The following SMIM35 variants were observed in gnomAD, a reference collection of about 807,000 sequenced individuals.
SMIM35 encodes the protein TMPRSS4 antisense RNA 1 (non-protein coding).
At chr11:118,052,914 C>A (rs1294560451) in intron 1 of SMIM35, among the ~76,000 whole-genome samples, 2 of 152,186 alleles carry the variant, frequency 1.3e-5, no homozygotes, top group Non-Finnish European at 2.9e-5. Context: ...AGCACAAATA[C>A]CCCACAGGGG....
chr11:118,062,829 T>C (rs1342890269), intron 1 of SMIM35, among the ~76,000 whole-genome samples: 1 of 152,174 alleles, frequency 6.6e-6, no homozygotes, highest in Non-Finnish European at 1.5e-5. Context: ...GGCTGAAACC[T>C]ACTGGGCTGC....
At chr11:118,084,058 A>G (rs990598395) in intron 1 of SMIM35, among the ~76,000 whole-genome samples, 11 of 152,112 alleles carry the variant, frequency 7.2e-5, no homozygotes, top group Non-Finnish European at 1.3e-4. Flanking sequence ...CAAAAAAACA[A>G]TTATCGTACT....
chr11:118,049,321 A>T (rs1415311170), intron 1 of SMIM35, among the ~76,000 whole-genome samples: 9 of 144,282 alleles, frequency 6.2e-5, no homozygotes, highest in African/African-American at 2.1e-4. Context: ...CAATTCTCGC[A>T]TGTTTGTTCC....
chr11:118,054,200 T>G (rs2135108703), intron 1 of SMIM35, among the ~76,000 whole-genome samples: 1 of 152,116 alleles, frequency 6.6e-6, no homozygotes, highest in South Asian at 2.1e-4. Context: ...TTTTTGTTTG[T>G]TTGTTTGCTT....
At chr11:118,014,781 G>A (rs1350681059) in intron 2 of SMIM35, 40 bp from the exon 3 acceptor site, 1 of 398,878 alleles carries the variant, frequency 2.5e-6, no homozygotes. Flanking sequence ...AGCACCTCCA[G>A]GGGAAGCAGT....
chr11:118,073,494 CTTTAATGTGG>C (rs1173661553), intron 1 of SMIM35, among the ~76,000 whole-genome samples: 2 of 152,182 alleles, frequency 1.3e-5, no homozygotes, highest in East Asian at 3.8e-4. Context: ...GCAACAGACT[CTTTAATGTGG>C]TTTAAAATAC....
At position 118,005,047 on chromosome 11, in the gene SMIM35, C is replaced by A. The variant is rs2058114552; in HGVS notation, c.*1363G>T. The A allele has an allele frequency of 6.6e-6, 1 of 152,220 alleles. No homozygotes were observed. Among genetic ancestry groups the A allele is most frequent in the Non-Finnish European group, 1.5e-5 (1 of 68,082 alleles). The allele number at this position is 152,220 out of a possible 1,614,324, so 9.4% of individuals were successfully genotyped here. ...ACAGTGACCCTGGAGAGAACAGGAA[C>A]ATTCTTCAGAATCCTACTATCTGGT... On this transcript the variant is annotated 3_prime_UTR_variant, in exon 5 of 5. Transcript: ENST00000689828.
intron 1 of SMIM35, among the ~76,000 whole-genome samples, chr11:118,064,674 C>A (rs928069331): frequency 4.0e-5 from 6 of 151,422 alleles, no homozygotes; most frequent in African/African-American, 1.5e-4. Context: ...GACAGGTTCT[C>A]GCTTTGTTGC....
intron 1 of SMIM35, among the ~76,000 whole-genome samples, chr11:118,027,973 C>T (rs2058288417): frequency 6.6e-6 from 1 of 152,338 alleles, no homozygotes; most frequent in Non-Finnish European, 1.5e-5. Context: ...TTGTGATCTT[C>T]TATTAGTCCT....
intron 1 of SMIM35, among the ~76,000 whole-genome samples, chr11:118,062,890 A>G (rs1160749221): frequency 6.6e-6 from 1 of 152,214 alleles, no homozygotes; most frequent in Non-Finnish European, 1.5e-5. Context: ...TAGGAGGTCA[A>G]CACATGATAC....
intron 1 of SMIM35, among the ~76,000 whole-genome samples, chr11:118,085,068 G>GCTGAGCAGGTGGCGCAC (rs1945439033): frequency 6.6e-6 from 1 of 152,200 alleles, no homozygotes; most frequent in Admixed American, 6.5e-5. Context: ...TGTGCACGGT[G>GCTGAGCAGGTGGCGCAC]CTGAGCAGGT....
rs768673626 is a variant in SMIM35, at chr11:118,004,504, A to C, written c.*1906T>G. On this transcript the variant is annotated 3_prime_UTR_variant, in exon 5 of 5. Transcript: ENST00000689828. ...ACAGAGGTGTGGAGGGAGAGGGGAGATGATGAGTTCTGGCTTAATAATGAC... is the reference window on the plus strand; with the variant it reads ...ACAGAGGTGTGGAGGGAGAGGGGAGCTGATGAGTTCTGGCTTAATAATGAC... 1 of 152,202 alleles carries C rather than the reference A, an allele frequency of 6.6e-6. No homozygotes were observed. The highest frequency in any genetic ancestry group is 1.5e-5 in the Non-Finnish European group (1 of 68,048). The allele number at this position is 152,202 out of a possible 1,614,324, so 9.4% of individuals were successfully genotyped here. A position where few individuals can be genotyped will look rare whatever the true frequency, so the allele number is the denominator to read the frequency against.
chr11:118,019,513 C>T (rs1221532361), intron 1 of SMIM35, among the ~76,000 whole-genome samples: 1 of 152,224 alleles, frequency 6.6e-6, no homozygotes, highest in African/African-American at 2.4e-5. Flanking sequence ...GAGACAAGGA[C>T]TCTCAGAGAT....
chr11:118,066,801 G>A (rs1944480599), intron 1 of SMIM35, among the ~76,000 whole-genome samples: 1 of 149,406 alleles, frequency 6.7e-6, no homozygotes, highest in Non-Finnish European at 1.5e-5. Flanking sequence ...CTCCAGCCTG[G>A]GTGACAGAGT....
In SMIM35 at chr11:118,042,068, A is replaced by AAAGAGAG. The variant is rs1555073518; in HGVS notation, c.8-26260_8-26259insCTCTCTT. ...TCTGTCACAAATGAAAAAAAAAAAAAAGAGAGAGAGAGAAAGAAAGACAAA... is the reference window on the plus strand; with the variant it reads ...TCTGTCACAAATGAAAAAAAAAAAAAAAGAGAGAGAGAGAGAGAGAAAGAAAGACAAA... On this transcript the variant is annotated intron_variant, in intron 1 of 4. Transcript: ENST00000689828. Among the ~76,000 whole-genome samples the AAAGAGAG allele has an allele frequency of 7.4e-3, 876 of 117,874 alleles. 16 individuals are homozygous for AAAGAGAG. The highest frequency in any genetic ancestry group is 0.027 in the African/African-American group (818 of 30,158). 77.3% of individuals were successfully genotyped at this position (117,874 alleles called of 152,430 possible).
chr11:118,048,044 C>T (rs765769117), intron 1 of SMIM35, among the ~76,000 whole-genome samples: 18 of 152,120 alleles, frequency 1.2e-4, no homozygotes, highest in Non-Finnish European at 2.2e-4. Context: ...GGGGTGCATC[C>T]GTTGGTAACA....
At chr11:118,021,206 A>G (rs1157049519) in intron 1 of SMIM35, among the ~76,000 whole-genome samples, 1 of 152,158 alleles carries the variant, frequency 6.6e-6, no homozygotes, top group Non-Finnish European at 1.5e-5. Context: ...TGTAGGAGGT[A>G]AAACATTGGA....
At chr11:118,059,918 T>C (rs1388220485) in intron 1 of SMIM35, among the ~76,000 whole-genome samples, 1 of 152,166 alleles carries the variant, frequency 6.6e-6, no homozygotes, top group African/African-American at 2.4e-5. Flanking sequence ...ACAGGGAAGA[T>C]AAGTACCAAA....
At chr11:118,013,248 A>G (rs1242374863) in intron 4 of SMIM35, among the ~76,000 whole-genome samples, 1 of 152,218 alleles carries the variant, frequency 6.6e-6, no homozygotes, top group African/African-American at 2.4e-5. Context: ...AGAACTGCCC[A>G]AGAGAGAAAT....
Sources: allele counts gnomAD v4.1 joint callset (sites outside exome capture counted in the v4.1 genomes callset), GRCh38; gene constraint gnomAD v4.1.1; transcripts MANE v1.5; gene names NCBI Gene and HGNC (gene_info 2026-07-23, HGNC 2026-07-21).